The following NPSR1 variants were observed in gnomAD, a reference collection of about 807,000 sequenced individuals.
The protein encoded by NPSR1 is neuropeptide S receptor.
Under a neutral mutation model 46.9 loss-of-function variants are expected in NPSR1, and 48 were observed. The ratio of observed to expected loss-of-function variants is 1.02; its 90% CI spans 0.81 to 1.30. The LOEUF is 1.30. NPSR1 is among the 50% of genes most tolerant of loss of function. The pLI is 0.00. For missense variants in NPSR1, 450 were observed against 449.5 expected (o/e 1.00, Z -0.01); for synonymous variants, 176 against 168.1 (o/e 1.05, Z -0.36).
intron 3 of NPSR1, among the ~76,000 whole-genome samples, chr7:34,807,254 G>GT (rs1052581461): frequency 1.3e-5 from 2 of 151,546 alleles, no homozygotes; most frequent in Non-Finnish European, 2.9e-5. Flanking sequence ...TATTGAGAGG[G>GT]TTTTTTTTCT....
chr7:34,832,288 C>T (rs930418924), intron 5 of NPSR1, among the ~76,000 whole-genome samples: 1 of 152,314 alleles, frequency 6.6e-6, no homozygotes, highest in East Asian at 1.9e-4. Flanking sequence ...AATCTCAGCA[C>T]TCTGGGAGGC....
intron 8 of NPSR1, among the ~76,000 whole-genome samples, chr7:34,875,501 T>G (rs1233444194): frequency 1.3e-5 from 2 of 152,166 alleles, no homozygotes; most frequent in African/African-American, 4.8e-5. Context: ...GATCACTAAG[T>G]TCTCTGGCCC....
chr7:34,723,209 CT>C (rs1452263361), intron 2 of NPSR1: 1 of 152,606 alleles, frequency 6.6e-6, no homozygotes, highest in Non-Finnish European at 1.5e-5. Context: ...TGGAGAACTT[CT>C]GGGAATCCAG....
intron 2 of NPSR1, chr7:34,758,189 T>C (rs919086102): frequency 6.6e-6 from 1 of 152,598 alleles, no homozygotes; most frequent in Admixed American, 6.5e-5. Context: ...CCTGCAGCAG[T>C]GGTTAGCATG....
In NPSR1 at chr7:34,827,561, C is replaced by T. The variant is rs766550204; in HGVS notation, c.639C>T (p.Ile213=). The T allele has an allele frequency of 9.2e-6, 13 of 1,417,758 alleles. No individual in the cohort carries two copies. The highest frequency in any genetic ancestry group is 3.7e-5 in the East Asian group (1 of 26,878). 87.8% of individuals were successfully genotyped at this position (1,417,758 alleles called of 1,614,324 possible). A position where few individuals can be genotyped will look rare whatever the true frequency, so the allele number is the denominator to read the frequency against. The change falls in exon 5 of 9, where the codon ATC becomes ATT. Residue 213 remains isoleucine (I), a synonymous_variant. Transcript: ENST00000360581. ...CCTACTGGACCCCATACATGACCAT[C>T]GTGGCCTTCCTGGTGTACTTCATCC... ...DDSYWTPYMT[I]VAFLVYFIPL... is the part of the protein sequence containing the mutation.
intron 1 of NPSR1, among the ~76,000 whole-genome samples, chr7:34,673,922 C>T (rs1458536): frequency 0.12 from 18,625 of 152,122 alleles, 1,219 homozygotes; most frequent in Middle Eastern, 0.17. Context: ...AGTTAGAAAA[C>T]GTAAATGCCA....
At chr7:34,774,317 G>T (rs1562717327) in intron 2 of NPSR1, among the ~76,000 whole-genome samples, 2 of 152,176 alleles carry the variant, frequency 1.3e-5, no homozygotes, top group Non-Finnish European at 2.9e-5. Flanking sequence ...CAAGGGCACT[G>T]GTACAACCCT....
At chr7:34,785,125 C>A (rs1487569200) in intron 3 of NPSR1, among the ~76,000 whole-genome samples, 1 of 151,606 alleles carries the variant, frequency 6.6e-6, no homozygotes, top group Non-Finnish European at 1.5e-5. Flanking sequence ...AGACTTGGAA[C>A]CAACCCAAAT....
chr7:34,803,875 T>C (rs892746924), intron 3 of NPSR1, among the ~76,000 whole-genome samples: 2 of 151,970 alleles, frequency 1.3e-5, no homozygotes, highest in Non-Finnish European at 2.9e-5. Context: ...AACAACTCTA[T>C]GCCCACAAGT....
At position 34,793,808 on chromosome 7, in the gene NPSR1, TG is replaced by T. The variant is rs1250440743; in HGVS notation, c.384+15245del. Among the ~76,000 whole-genome samples, 4 of 152,132 alleles carry T rather than the reference TG, an allele frequency of 2.6e-5. No homozygotes were observed. In the East Asian group the frequency reaches 7.7e-4, roughly 29 times the overall value. Reference sequence around the variant, plus strand: ...AGCACTATTCATAATAGCCAAGATATGGCAACAATCTATGTCCATCAATGGA... The same window carrying T: ...AGCACTATTCATAATAGCCAAGATATGCAACAATCTATGTCCATCAATGGA... On this transcript the variant is annotated intron_variant, in intron 3 of 8. Transcript: ENST00000360581.
chr7:34,826,352 G>A (rs13226161), intron 4 of NPSR1, among the ~76,000 whole-genome samples: 1 of 152,168 alleles, frequency 6.6e-6, no homozygotes, highest in Non-Finnish European at 1.5e-5. Flanking sequence ...TTTTAATAGA[G>A]TCCCTAGTTT....
At chr7:34,858,817 C>T (rs1449459057) in intron 8 of NPSR1, among the ~76,000 whole-genome samples, 1 of 151,750 alleles carries the variant, frequency 6.6e-6, no homozygotes. Flanking sequence ...CCCACTGGGT[C>T]CCTTCCACAA....
intron 2 of NPSR1, among the ~76,000 whole-genome samples, chr7:34,760,549 C>T (rs1181213880): frequency 6.6e-6 from 1 of 152,108 alleles, no homozygotes; most frequent in Non-Finnish European, 1.5e-5. Flanking sequence ...CATGTAAGAA[C>T]ATACCCAACA....
chr7:34,707,197 G>T lies in NPSR1; in HGVS notation c.280+22513G>T, dbSNP rs187606050. Among the ~76,000 whole-genome samples, 180 of 152,172 alleles carry T rather than the reference G, an allele frequency of 1.2e-3. 3 individuals carry two copies. Among genetic ancestry groups the T allele is most frequent in the Non-Finnish European group, 1.8e-3 (121 of 67,994 alleles). On this transcript the variant is annotated intron_variant, in intron 2 of 8. Coordinates refer to ENST00000360581, the MANE Select transcript of NPSR1 (RefSeq NM_207172.2). Reference sequence around the variant, plus strand: ...ATTTTCTCATTTCTAAAATTACAAGGGTTATCTCCATGATCTTTAGGAAGC... The same window carrying T: ...ATTTTCTCATTTCTAAAATTACAAGTGTTATCTCCATGATCTTTAGGAAGC...
intron 4 of NPSR1, among the ~76,000 whole-genome samples, chr7:34,826,363 C>T (rs915288204): frequency 6.6e-6 from 1 of 152,170 alleles, no homozygotes; most frequent in Admixed American, 6.5e-5. Flanking sequence ...TCCCTAGTTT[C>T]CTCTAGATTT....
chr7:34,859,413 C>G (rs1003845052), intron 8 of NPSR1, among the ~76,000 whole-genome samples: 1 of 151,562 alleles, frequency 6.6e-6, no homozygotes, highest in Non-Finnish European at 1.5e-5. Flanking sequence ...TCCTTGTCCC[C>G]CAGAGTGGAG....
chr7:34,816,178 T>G (rs13307399), intron 4 of NPSR1, among the ~76,000 whole-genome samples: 1 of 145,424 alleles, frequency 6.9e-6, no homozygotes, highest in Non-Finnish European at 1.5e-5. Flanking sequence ...ACTCATCTCA[T>G]GTGCAGAGAT....
At chr7:34,703,232 G>A (rs907726165) in intron 2 of NPSR1, among the ~76,000 whole-genome samples, 4 of 152,108 alleles carry the variant, frequency 2.6e-5, no homozygotes, top group African/African-American at 7.2e-5. Flanking sequence ...GGTGGCGGGC[G>A]CGATGGCAGG....
At chr7:34,760,666 A>G (rs1562708639) in intron 2 of NPSR1, among the ~76,000 whole-genome samples, 1 of 152,232 alleles carries the variant, frequency 6.6e-6, no homozygotes, top group East Asian at 1.9e-4. Flanking sequence ...AGTTACTGCA[A>G]CCCATCATAT....
Sources: allele counts gnomAD v4.1 joint callset (sites outside exome capture counted in the v4.1 genomes callset), GRCh38; gene constraint gnomAD v4.1.1; transcripts MANE v1.5; gene names NCBI Gene and HGNC (gene_info 2026-07-23, HGNC 2026-07-21).